The following INPP5B variants were observed in gnomAD, a reference collection of about 807,000 sequenced individuals.
INPP5B encodes type II inositol 1,4,5-trisphosphate 5-phosphatase.
In INPP5B, 90 loss-of-function variants were observed where a neutral mutation model predicts 118.5. That is an observed-to-expected ratio of 0.76 (90% CI 0.64 to 0.90). The LOEUF is 0.90. Ranked by LOEUF, INPP5B falls within the 40% of genes least tolerant of loss-of-function variation. The pLI is 0.00. For missense variants in INPP5B, 984 were observed against 1,125.6 expected (o/e 0.87, Z 1.80); for synonymous variants, 385 against 418.9 (o/e 0.92, Z 0.99).
At chr1:37,872,777 T>TAC (rs761677753) in intron 19 of INPP5B, among the ~76,000 whole-genome samples, 153 bp downstream of exon 19, 352 of 151,956 alleles carry the variant, frequency 2.3e-3, no homozygotes, top group Non-Finnish European at 4.1e-3. Context: ...TTCAGGATGG[T>TAC]TTGTAGCACA....
rs1484784985 is a variant in INPP5B, at chr1:37,888,265, C to A, written c.877G>T (p.Ala293Ser). 4.9e-5 allele frequency: 78 copies of A among 1,577,916 alleles called. No homozygotes were observed. Among genetic ancestry groups the A allele is most frequent in the Non-Finnish European group, 6.4e-5 (74 of 1,161,870 alleles). Residue 293 changes from alanine (A) to serine (S), a missense_variant, in exon 10 of 24, where the codon GCC becomes TCC. This residue lies in a region of INPP5B where 634 missense variants were observed against 791.0 expected (regional missense o/e 0.80). Coordinates refer to ENST00000373024, the MANE Select transcript of INPP5B (RefSeq NM_005540.3). ...CACCCTACACAATAGACATCTGGGGCCTGGATACCATTGCTCAGCCACAGC... is the reference window on the plus strand; with the variant it reads ...CACCCTACACAATAGACATCTGGGGACTGGATACCATTGCTCAGCCACAGC... Reference protein sequence around the residue: ...LRLWLSNGIQAPDVYCVGFQE... With the variant: ...LRLWLSNGIQSPDVYCVGFQE...
chr1:37,898,539 C>G (rs1207058182), intron 7 of INPP5B, among the ~76,000 whole-genome samples: 2 of 152,046 alleles, frequency 1.3e-5, no homozygotes, highest in East Asian at 1.9e-4. Flanking sequence ...ACTAAAAATA[C>G]AAATATTTAG....
At chr1:37,863,966 C>T (rs1412456688) in intron 23 of INPP5B, among the ~76,000 whole-genome samples, 1 of 151,680 alleles carries the variant, frequency 6.6e-6, no homozygotes, top group African/African-American at 2.4e-5. Flanking sequence ...AGGCATGCAC[C>T]ACCACACTCA....
Position 37,941,285 on chromosome 1 carries a change from C to T in INPP5B, c.281-487G>A, listed in dbSNP as rs553583164. ...TTCATAGCATATACCCAATACCGGG[C>T]ACATGGTGAGCACTCAAACCATGTG... On this transcript the variant is annotated intron_variant, in intron 5 of 23. Coordinates refer to ENST00000373024, the MANE Select transcript of INPP5B (RefSeq NM_005540.3). Among the ~76,000 whole-genome samples, 4 of 152,230 alleles carry T rather than the reference C, an allele frequency of 2.6e-5. No individual in the cohort carries two copies. In the East Asian group the frequency reaches 5.8e-4, roughly 22 times the overall value.
intron 16 of INPP5B, among the ~76,000 whole-genome samples, chr1:37,877,810 A>C (rs1167525870): frequency 1.3e-5 from 2 of 152,200 alleles, no homozygotes; most frequent in South Asian, 2.1e-4. Context: ...TCCTGGAAAG[A>C]TCTCCTAAGA....
intron 7 of INPP5B, among the ~76,000 whole-genome samples, chr1:37,909,414 C>T (rs972169743): frequency 2.6e-5 from 4 of 152,130 alleles, no homozygotes; most frequent in African/African-American, 7.2e-5. Context: ...TCCTCACACC[C>T]GGTCTGGCTT....
At chr1:37,916,525 T>C (rs1192422082) in intron 7 of INPP5B, among the ~76,000 whole-genome samples, 1 of 152,006 alleles carries the variant, frequency 6.6e-6, no homozygotes, top group Non-Finnish European at 1.5e-5. Flanking sequence ...CAAGCGATTC[T>C]CTTGCCTCAG....
rs1245361965 is a variant in INPP5B, at chr1:37,861,816, AC to A, written c.*498del. On this transcript the variant is annotated 3_prime_UTR_variant, in exon 24 of 24. Coordinates refer to ENST00000373024, the MANE Select transcript of INPP5B (RefSeq NM_005540.3). ...TTGGGGAGGCCGAGGCAGGCAGATT[AC>A]CTGAGTTCAGGAGTTTTAGAACAGC... is the stretch of plus-strand genomic sequence containing the variant. 6.6e-6 allele frequency: 1 copy of A among 152,420 alleles called. No individual in the cohort carries two copies. Among genetic ancestry groups the A allele is most frequent in the Non-Finnish European group, 1.5e-5 (1 of 68,428 alleles). 9.4% of individuals were successfully genotyped at this position (152,420 alleles called of 1,614,324 possible). A position where few individuals can be genotyped will look rare whatever the true frequency, so the allele number is the denominator to read the frequency against.
In INPP5B at chr1:37,907,694, T is replaced by A. The variant is rs139425492; in HGVS notation, c.533-16240A>T. The stretch of plus-strand genomic sequence containing the variant: ...AACACCCACCAAACCAAGATGGCCA[T>A]GAGAGTGACCCACCTCGTCCTCATT... On this transcript the variant is annotated intron_variant, in intron 7 of 23. Transcript: ENST00000373024. The surrounding 1 kb of genome is among the most constrained non-coding windows in gnomAD (Gnocchi z 4.3). Among the ~76,000 whole-genome samples the A allele has an allele frequency of 1.2e-3, 182 of 152,282 alleles. No homozygotes were observed. The highest frequency in any genetic ancestry group is 4.2e-3 in the African/African-American group (173 of 41,568).
At chr1:37,943,555 G>T (rs188539714) in intron 5 of INPP5B, 85 bp downstream of exon 5, 709 of 1,429,980 alleles carry the variant, frequency 5.0e-4, no homozygotes, top group Non-Finnish European at 6.3e-4. Flanking sequence ...TTAGCAGGGG[G>T]TGCTCTTACT....
chr1:37,867,415 T>C (rs569093379), intron 20 of INPP5B, among the ~76,000 whole-genome samples: 1 of 152,326 alleles, frequency 6.6e-6, no homozygotes, highest in East Asian at 1.9e-4. Flanking sequence ...CACTGAAGAA[T>C]ATGACTTCTC....
At chr1:37,893,149 A>G (rs146766848) in intron 7 of INPP5B, among the ~76,000 whole-genome samples, 17 of 126,512 alleles carry the variant, frequency 1.3e-4, no homozygotes, top group African/African-American at 5.5e-4. Context: ...CAGCCTGATC[A>G]TGGTTCACTG....
At chr1:37,873,202 C>A (rs770088847) in intron 18 of INPP5B, 37 bp from the exon 19 acceptor site, 6 of 1,482,736 alleles carry the variant, frequency 4.0e-6, no homozygotes, top group East Asian at 2.3e-5. Context: ...TGGCCGGGGG[C>A]AGGCCAAGAG....
intron 7 of INPP5B, among the ~76,000 whole-genome samples, chr1:37,893,932 G>T (rs1416775361): frequency 3.3e-5 from 5 of 152,146 alleles, no homozygotes. Flanking sequence ...TGTGCCAGGG[G>T]TCAGTAAACT....
chr1:37,897,221 G>A (rs913106989), intron 7 of INPP5B, among the ~76,000 whole-genome samples: 155 of 151,660 alleles, frequency 1.0e-3, no homozygotes, highest in Middle Eastern at 6.8e-3. Flanking sequence ...CCACCACCCC[G>A]TCTGGGAGGT....
intron 6 of INPP5B, among the ~76,000 whole-genome samples, chr1:37,932,492 C>T (rs1645527627): frequency 6.6e-6 from 1 of 151,814 alleles, no homozygotes; most frequent in Non-Finnish European, 1.5e-5. Flanking sequence ...CCTCAGCCTC[C>T]CGAGTAGCTG....
At chr1:37,940,841 C>G in intron 5 of INPP5B, 43 bp from the exon 6 acceptor site, 1 of 1,387,946 alleles carries the variant, frequency 7.2e-7, no homozygotes, top group South Asian at 1.2e-5. Flanking sequence ...CTGCCAGGAG[C>G]TAAGTGCTTG....
intron 5 of INPP5B, among the ~76,000 whole-genome samples, chr1:37,943,335 G>A (rs532388844): frequency 1.1e-3 from 173 of 152,240 alleles, no homozygotes; most frequent in African/African-American, 4.0e-3. Flanking sequence ...AGAAATGCAT[G>A]AATGGAAGCC....
At chr1:37,906,478 G>A (rs575112220) in intron 7 of INPP5B, among the ~76,000 whole-genome samples, 1 of 152,168 alleles carries the variant, frequency 6.6e-6, no homozygotes, top group Non-Finnish European at 1.5e-5. Context: ...ATCAGTCCAA[G>A]TATAATAAAG....
Sources: allele counts gnomAD v4.1 joint callset (sites outside exome capture counted in the v4.1 genomes callset), GRCh38; gene constraint gnomAD v4.1.1; regional missense constraint gnomAD v4.1.1; non-coding constraint Gnocchi (gnomAD v3.1); transcripts MANE v1.5; gene names NCBI Gene and HGNC (gene_info 2026-07-23, HGNC 2026-07-21).